The following PRPF3 variants were observed in gnomAD, a reference collection of about 807,000 sequenced individuals.
PRPF3 encodes U4/U6 small nuclear ribonucleoprotein Prp3.
In PRPF3, 3 loss-of-function variants were observed where a neutral mutation model predicts 89.2. The ratio of observed to expected loss-of-function variants is 0.03; its 90% CI spans 0.02 to 0.09. The LOEUF (loss-of-function observed/expected upper bound fraction) is 0.09, where lower values mean the gene tolerates loss of function less well. Among genes scored for constraint, PRPF3 ranks in the 10% least tolerant of loss-of-function variants. The pLI is 1.00. For missense variants in PRPF3, 463 were observed against 828.8 expected, an observed-to-expected ratio of 0.56 and a Z score of 5.42; for synonymous variants, 270 against 289.1, an observed-to-expected ratio of 0.93 and a Z score of 0.67.
Position 150,353,186 on chromosome 1 carries a change from T to C in PRPF3, c.*207T>C, listed in dbSNP as rs1659114780. Reference sequence around the variant, plus strand: ...CCTTATGTGCATATGATTAAAGAGTTATTTTTAAACTTGGTGTGATATTTT... The same window carrying C: ...CCTTATGTGCATATGATTAAAGAGTCATTTTTAAACTTGGTGTGATATTTT... On this transcript the variant is annotated 3_prime_UTR_variant, in exon 16 of 16. Coordinates refer to ENST00000324862, the MANE Select transcript of PRPF3 (RefSeq NM_004698.4). 1 of 610,960 alleles carries C rather than the reference T, an allele frequency of 1.6e-6. No individual in the cohort carries two copies. The highest frequency in any genetic ancestry group is 2.9e-6 in the Non-Finnish European group (1 of 343,110). The allele number at this position is 610,960 out of a possible 1,614,324, so 37.8% of individuals were successfully genotyped here. A position where few individuals can be genotyped will look rare whatever the true frequency, so the allele number is the denominator to read the frequency against.
intron 3 of PRPF3, among the ~76,000 whole-genome samples, chr1:150,326,685 A>AAG (rs1553863887): frequency 1.7e-5 from 2 of 115,532 alleles, no homozygotes; most frequent in Admixed American, 2.1e-4. Flanking sequence ...TATGGAACTA[A>AAG]AAAAAAAAGC....
chr1:150,323,255 C>T (rs188971945), intron 1 of PRPF3, among the ~76,000 whole-genome samples: 4 of 138,338 alleles, frequency 2.9e-5, no homozygotes, highest in Admixed American at 7.8e-5. Context: ...TGGCTCACCG[C>T]AACCTCCGCC....
In PRPF3 at chr1:150,350,397, C is replaced by T. The variant is rs370256433; in HGVS notation, c.1905+1179C>T. Among the ~76,000 whole-genome samples the T allele has an allele frequency of 4.0e-5, 6 of 151,562 alleles. No individual in the cohort carries two copies. The East Asian group carries it at 7.9e-4, about 20-fold the overall frequency. On this transcript the variant is annotated intron_variant, in intron 15 of 15. Transcript: ENST00000324862. ...TGTATTTTTAGTAGAGACGGGGTTT[C>T]GCCATATTGGTCAAGCTGGTCTCGA...
chr1:150,342,505 T>TACAC (rs147409085), intron 9 of PRPF3, among the ~76,000 whole-genome samples: 2,633 of 150,926 alleles, frequency 0.017, 58 homozygotes, highest in African/African-American at 0.044. Context: ...TTAAAGTTTA[T>TACAC]ACACACACAC....
intron 8 of PRPF3, among the ~76,000 whole-genome samples, chr1:150,339,060 G>A (rs1340740959): frequency 6.6e-6 from 1 of 151,894 alleles, no homozygotes; most frequent in Non-Finnish European, 1.5e-5. Flanking sequence ...TGGTAGGTGA[G>A]ATAATAGTAA....
intron 13 of PRPF3, 79 bp from the exon 14 acceptor site, chr1:150,346,329 A>T: frequency 1.4e-6 from 2 of 1,445,246 alleles, no homozygotes; most frequent in East Asian, 4.5e-5. Context: ...CAACTACCAC[A>T]TTAATGTCTG....
Position 150,325,103 on chromosome 1 carries a change from C to G in PRPF3, c.145+16C>G. 6.2e-7 allele frequency: 1 copy of G among 1,611,886 alleles called. No homozygotes were observed. Among genetic ancestry groups the G allele is most frequent in the Non-Finnish European group, 8.5e-7 (1 of 1,178,710 alleles). On this transcript the variant is annotated intron_variant, in intron 2 of 15. Coordinates refer to ENST00000324862, the MANE Select transcript of PRPF3 (RefSeq NM_004698.4). ...AAGGCAGCCGGTATGTACCTTTCTG[C>G]ATCTTTTATCTTAACATATAGGGTG...
chr1:150,341,436 G>A (rs1394133957), intron 9 of PRPF3, among the ~76,000 whole-genome samples: 5 of 108,556 alleles, frequency 4.6e-5, no homozygotes, highest in East Asian at 2.7e-4. Flanking sequence ...GAGGAGTTTC[G>A]CTCTTGTGGT....
chr1:150,327,640 A>G, intron 3 of PRPF3: 1 of 985,716 alleles, frequency 1.0e-6, no homozygotes, highest in Non-Finnish European at 1.2e-6. Context: ...ATGTCACCCA[A>G]AGCCTACCAC....
chr1:150,344,399 T>C (rs1202165296), intron 11 of PRPF3, 35 bp from the exon 12 acceptor site: 9 of 1,614,054 alleles, frequency 5.6e-6, no homozygotes, highest in Non-Finnish European at 7.6e-6. Flanking sequence ...CTTCAATGCC[T>C]TTCTCACTTG....
chr1:150,352,153 CT>C (rs1560125649), intron 15 of PRPF3, among the ~76,000 whole-genome samples: 1 of 152,132 alleles, frequency 6.6e-6, no homozygotes, highest in Non-Finnish European at 1.5e-5. Flanking sequence ...TTCTTTGTTG[CT>C]GGGCCCCAAA....
At chr1:150,326,930 A>C (rs1163185264) in intron 3 of PRPF3, among the ~76,000 whole-genome samples, 1 of 152,134 alleles carries the variant, frequency 6.6e-6, no homozygotes, top group Admixed American at 6.6e-5. Flanking sequence ...TAGCAGTTTC[A>C]TGTAAATTTT....
chr1:150,347,339 A>G (rs587744701), intron 14 of PRPF3, among the ~76,000 whole-genome samples: 2 of 152,006 alleles, frequency 1.3e-5, no homozygotes, highest in African/African-American at 2.4e-5. Context: ...ATACACACAC[A>G]TACATGTACA....
At chr1:150,344,346 G>T in intron 11 of PRPF3, 85 bp downstream of exon 11, 1 of 1,613,990 alleles carries the variant, frequency 6.2e-7, no homozygotes, top group East Asian at 2.2e-5. Context: ...AGGGAGGGGA[G>T]AGTTCTCCGT....
At chr1:150,352,461 C>T (rs926644449) in intron 15 of PRPF3, among the ~76,000 whole-genome samples, 1 of 152,176 alleles carries the variant, frequency 6.6e-6, no homozygotes, top group East Asian at 1.9e-4. Context: ...GTCAGGAGAT[C>T]GAGACCATCC....
chr1:150,349,051 C>T, intron 14 of PRPF3, 106 bp from the exon 15 acceptor site: 1 of 950,092 alleles, frequency 1.1e-6, no homozygotes, highest in Non-Finnish European at 1.7e-6. Flanking sequence ...CTTGGTCCAA[C>T]ACATAAAAAG....
intron 9 of PRPF3, among the ~76,000 whole-genome samples, chr1:150,342,134 C>T (rs1217573145): frequency 5.9e-5 from 9 of 151,888 alleles, no homozygotes; most frequent in Non-Finnish European, 1.3e-4. Flanking sequence ...GTAATCCCAG[C>T]ACTTTGGGAG....
chr1:150,335,623 G>A (rs1032654293), intron 7 of PRPF3, among the ~76,000 whole-genome samples: 6 of 152,078 alleles, frequency 3.9e-5, no homozygotes, highest in East Asian at 1.9e-4. Flanking sequence ...GTGCCACCAC[G>A]CCTGGCTAAT....
intron 4 of PRPF3, chr1:150,329,611 G>A (rs958837587): frequency 2.0e-5 from 3 of 152,056 alleles, no homozygotes; most frequent in Admixed American, 6.6e-5. Flanking sequence ...TTAACAGGAA[G>A]TATTTGTGTT....
Sources: allele counts gnomAD v4.1 joint callset (sites outside exome capture counted in the v4.1 genomes callset), GRCh38; gene constraint gnomAD v4.1.1; transcripts MANE v1.5; gene names NCBI Gene and HGNC (gene_info 2026-07-23, HGNC 2026-07-21).